The following XRCC4 variants were observed in gnomAD, a reference collection of about 807,000 sequenced individuals.
XRCC4 encodes the protein X-ray repair cross complementing 4.
A neutral mutation model predicts 39.1 loss-of-function variants in XRCC4; 28 were observed. The ratio of observed to expected loss-of-function variants is 0.72; its 90% CI spans 0.53 to 0.98. The LOEUF (loss-of-function observed/expected upper bound fraction) is 0.98, where lower values mean the gene tolerates loss of function less well. Ranked by LOEUF, XRCC4 falls within the 50% of genes least tolerant of loss-of-function variation. The probability of loss-of-function intolerance (pLI) is 0.00; values close to 1 mark genes in which losing one functional copy is unlikely to be tolerated. For missense variants in XRCC4, 350 were observed against 376.4 expected, an observed-to-expected ratio of 0.93 and a Z score of 0.58; for synonymous variants, 123 against 126.4, an observed-to-expected ratio of 0.97 and a Z score of 0.18.
At chr5:83,357,261 G>A (rs1757200774), downstream of XRCC4, among the ~76,000 whole-genome samples, 2 of 152,200 alleles carry the variant, frequency 1.3e-5, no homozygotes, top group Admixed American at 1.3e-4. Flanking sequence ...TGTTTCTGTT[G>A]AGGTTATATT....
chr5:83,183,797 C>A (rs1339178235), intron 3 of XRCC4, among the ~76,000 whole-genome samples: 3 of 152,098 alleles, frequency 2.0e-5, no homozygotes, highest in African/African-American at 7.2e-5. Context: ...TGGTTACCGT[C>A]TATCATACTC....
At chr5:83,285,711 G>T (rs1754711239) in intron 7 of XRCC4, among the ~76,000 whole-genome samples, 1 of 152,100 alleles carries the variant, frequency 6.6e-6, no homozygotes, top group Non-Finnish European at 1.5e-5. Context: ...AGGGGGGGTT[G>T]TTTGTTTCAT....
chr5:83,146,092 C>T (rs1030342026), intron 3 of XRCC4, among the ~76,000 whole-genome samples: 23 of 152,162 alleles, frequency 1.5e-4, no homozygotes, highest in Non-Finnish European at 3.2e-4. Context: ...TCCTTAGAAT[C>T]AGTCTTTCTG....
the XRCC4 span, among the ~76,000 whole-genome samples, chr5:83,371,536 T>C: frequency 6.6e-6 from 1 of 152,156 alleles, no homozygotes; most frequent in African/African-American, 2.4e-5. Context: ...GTCAGATGCA[T>C]CTGAGAGAGT....
chr5:83,323,237 C>G (rs967423719), intron 7 of XRCC4, among the ~76,000 whole-genome samples: 1 of 151,914 alleles, frequency 6.6e-6, no homozygotes, highest in Non-Finnish European at 1.5e-5. Flanking sequence ...CAGTTTAAAT[C>G]AGGAAATAAT....
chr5:83,266,988 C>T (rs185295056), intron 7 of XRCC4, among the ~76,000 whole-genome samples: 20 of 152,168 alleles, frequency 1.3e-4, no homozygotes, highest in African/African-American at 4.3e-4. Context: ...TGCTTTTGGG[C>T]CACATTACAT....
chr5:83,077,631 G>GGGGC lies in XRCC4; in HGVS notation c.-11+17_-11+20dup, dbSNP rs1744720136. On this transcript the variant is annotated intron_variant, in intron 1 of 7. Transcript: ENST00000396027. ...TCACGGAGAGGTAGGATCCGGAAGT[G>GGGGC]GGGCTGCCTCTTTAAATAACAAAAA... The GGGGC allele has an allele frequency of 2.6e-6, 1 of 380,486 alleles. No individual in the cohort carries two copies. The highest frequency in any genetic ancestry group is 4.8e-6 in the Non-Finnish European group (1 of 207,176). The allele number at this position is 380,486 out of a possible 1,614,324, so 23.6% of individuals were successfully genotyped here. A position where few individuals can be genotyped will look rare whatever the true frequency, so the allele number is the denominator to read the frequency against.
chr5:83,192,057 T>A (rs1750719462), intron 3 of XRCC4, among the ~76,000 whole-genome samples: 1 of 151,162 alleles, frequency 6.6e-6, no homozygotes, highest in African/African-American at 2.4e-5. Context: ...CTGAAATTGA[T>A]GATTTTTAAT....
At chr5:83,133,807 C>A (rs927507123) in intron 3 of XRCC4, among the ~76,000 whole-genome samples, 2 of 69,890 alleles carry the variant, frequency 2.9e-5, no homozygotes, top group Non-Finnish European at 8.4e-5. Flanking sequence ...GCAGCCCTTG[C>A]TTGCTCTTGG....
At chr5:83,238,416 C>T (rs969431339) in intron 6 of XRCC4, among the ~76,000 whole-genome samples, 7 of 152,128 alleles carry the variant, frequency 4.6e-5, no homozygotes, top group African/African-American at 1.7e-4. Context: ...AATAAGCCTT[C>T]ACACCCCTGG....
intron 7 of XRCC4, among the ~76,000 whole-genome samples, chr5:83,288,096 T>G (rs1754795964): frequency 6.6e-6 from 1 of 151,930 alleles, no homozygotes; most frequent in African/African-American, 2.4e-5. Context: ...TTTCTAGTAC[T>G]GATTTCTAGT....
intron 7 of XRCC4, among the ~76,000 whole-genome samples, chr5:83,339,430 C>A (rs1311652747): frequency 6.6e-6 from 1 of 151,456 alleles, no homozygotes; most frequent in Admixed American, 6.6e-5. Flanking sequence ...ACAATGGGAA[C>A]ACATGGACGC....
the XRCC4 span, among the ~76,000 whole-genome samples, chr5:83,368,869 T>G: frequency 1.3e-5 from 2 of 152,142 alleles, no homozygotes; most frequent in Admixed American, 1.3e-4. Flanking sequence ...GACATTAGAA[T>G]GGATAGAGAC....
At chr5:83,232,673 T>C (rs571538327) in intron 6 of XRCC4, among the ~76,000 whole-genome samples, 1 of 152,212 alleles carries the variant, frequency 6.6e-6, no homozygotes, top group Admixed American at 6.5e-5. Flanking sequence ...TCCAAAAAAA[T>C]ATCTAAATTA....
intron 7 of XRCC4, among the ~76,000 whole-genome samples, chr5:83,301,964 T>G (rs1218324726): frequency 6.6e-6 from 1 of 152,130 alleles, no homozygotes; most frequent in East Asian, 1.9e-4. Flanking sequence ...ACCATGCTCG[T>G]TTGGTTACTG....
chr5:83,355,294 T>C (rs1757177435), downstream of XRCC4, among the ~76,000 whole-genome samples: 1 of 152,178 alleles, frequency 6.6e-6, no homozygotes, highest in African/African-American at 2.4e-5. Context: ...TAAAAGGTTT[T>C]TTCCATTATG....
At chr5:83,097,698 A>T (rs1186363090) in intron 1 of XRCC4, among the ~76,000 whole-genome samples, 1 of 152,156 alleles carries the variant, frequency 6.6e-6, no homozygotes, top group Non-Finnish European at 1.5e-5. Context: ...GTTGAAAAAG[A>T]CTGCTGCTTA....
intron 7 of XRCC4, among the ~76,000 whole-genome samples, chr5:83,287,743 G>GT (rs554707246): frequency 6.6e-6 from 1 of 151,716 alleles, no homozygotes; most frequent in Non-Finnish European, 1.5e-5. Context: ...TCAAAAAACA[G>GT]TTTTTTGGTT....
At chr5:83,100,132 A>C (rs577831796) in intron 1 of XRCC4, among the ~76,000 whole-genome samples, 1 of 152,290 alleles carries the variant, frequency 6.6e-6, no homozygotes, top group South Asian at 2.1e-4. Context: ...AGGCACAAAC[A>C]AGTTACTTGT....
Sources: gnomAD v4.1 joint callset for allele counts (sites outside exome capture counted in the v4.1 genomes callset) on GRCh38, gnomAD v4.1.1 for gene constraint, MANE v1.5 for transcripts, NCBI Gene and HGNC (gene_info 2026-07-23, HGNC 2026-07-21) for gene names.